Variants in CNTNAP2 observed in about 807,000 individuals in gnomAD.
The protein encoded by CNTNAP2 is contactin-associated protein-like 2.
Under a neutral mutation model 155.2 loss-of-function variants are expected in CNTNAP2, and 98 were observed. The observed-to-expected ratio is 0.63, with a 90% CI of 0.54 to 0.75. The LOEUF (loss-of-function observed/expected upper bound fraction) is 0.75, where lower values mean the gene tolerates loss of function less well. Ranked by LOEUF, CNTNAP2 falls within the 30% of genes least tolerant of loss-of-function variation. CNTNAP2 has a pLI of 0.00. For missense variants in CNTNAP2, 1,727 were observed against 1,688.1 expected (o/e 1.02, Z -0.40); for synonymous variants, 651 against 631.2 (o/e 1.03, Z -0.47).
intron 1 of CNTNAP2, among the ~76,000 whole-genome samples, chr7:146,766,674 T>C (rs1802200755): frequency 6.6e-6 from 1 of 152,180 alleles, no homozygotes; most frequent in Admixed American, 6.6e-5. Flanking sequence ...GATAACTCAA[T>C]GAGATGACCC....
chr7:147,154,651 T>G (rs1043327692), intron 8 of CNTNAP2, among the ~76,000 whole-genome samples: 18 of 152,216 alleles, frequency 1.2e-4, no homozygotes, highest in Admixed American at 8.5e-4. Context: ...TCTCACAAAT[T>G]GAAATGAAAT....
intron 8 of CNTNAP2, among the ~76,000 whole-genome samples, chr7:147,290,498 C>T (rs1329972962): frequency 1.3e-5 from 2 of 151,728 alleles, no homozygotes; most frequent in African/African-American, 4.8e-5. Context: ...CTGGGCAACC[C>T]GCTGAAACCC....
Position 146,609,732 on chromosome 7 carries a change from A to G in CNTNAP2, c.98-164539A>G, listed in dbSNP as rs1027233778. On this transcript the variant is annotated intron_variant, in intron 1 of 23. Coordinates refer to ENST00000361727, the MANE Select transcript of CNTNAP2 (RefSeq NM_014141.6). ...TTCTAGGTAAGTTTTATTCTACTCA[A>G]TAATACAAAATGCACTTTGCATGGC... Among the ~76,000 whole-genome samples the G allele has an allele frequency of 4.6e-5, 7 of 152,236 alleles. No individual in the cohort carries two copies. In the South Asian group the frequency reaches 6.2e-4, roughly 13 times the overall value.
At position 146,319,256 on chromosome 7, in the gene CNTNAP2, C is replaced by G. The variant is rs1176580453; in HGVS notation, c.97+202283C>G. 2.0e-5 allele frequency among the ~76,000 whole-genome samples: 3 copies of G among 152,110 alleles called. No homozygotes were observed. The East Asian group carries it at 5.8e-4, about 29-fold the overall frequency. On this transcript the variant is annotated intron_variant, in intron 1 of 23. Coordinates refer to ENST00000361727, the MANE Select transcript of CNTNAP2 (RefSeq NM_014141.6). Reference sequence around the variant, plus strand: ...CTCAGCATGCATTTAATTTTGAATACATCATGCTATTGTACTCTAAGTCAT... The same window carrying G: ...CTCAGCATGCATTTAATTTTGAATAGATCATGCTATTGTACTCTAAGTCAT...
At chr7:147,258,040 A>G (rs1804370502) in intron 8 of CNTNAP2, among the ~76,000 whole-genome samples, 1 of 152,190 alleles carries the variant, frequency 6.6e-6, no homozygotes, top group African/African-American at 2.4e-5. Flanking sequence ...ATGGTTTGCT[A>G]AAGAAGTAAA....
chr7:147,028,394 G>T (rs569069679), intron 3 of CNTNAP2, among the ~76,000 whole-genome samples: 1 of 152,280 alleles, frequency 6.6e-6, no homozygotes, highest in East Asian at 1.9e-4. Flanking sequence ...TTAGTTAAAA[G>T]ACATTTGGTG....
At chr7:148,032,309 G>A (rs770522334) in intron 15 of CNTNAP2, among the ~76,000 whole-genome samples, 9 of 152,082 alleles carry the variant, frequency 5.9e-5, no homozygotes, top group African/African-American at 1.4e-4. Flanking sequence ...AAATAATAGC[G>A]CCAGCAGGTA....
At chr7:148,069,845 CAG>C (rs1803349363) in intron 15 of CNTNAP2, among the ~76,000 whole-genome samples, 1 of 151,640 alleles carries the variant, frequency 6.6e-6, no homozygotes, top group Admixed American at 6.6e-5. Context: ...AAGACTCAGA[CAG>C]AGATTTTGGT....
intron 2 of CNTNAP2, among the ~76,000 whole-genome samples, chr7:146,795,299 C>T (rs1802749153): frequency 6.6e-6 from 1 of 152,184 alleles, no homozygotes; most frequent in South Asian, 2.1e-4. Flanking sequence ...TATGCTAATT[C>T]TATGGCTCTC....
rs142652753 is a variant in CNTNAP2 at position 147,231,359 on chromosome 7, A to G, written c.1349-68782A>G. ...CTGACACTTAGGTTGTTTCTATTAC[A>G]TATCTTGGCTCTTGTGAATAATGTG... is the stretch of plus-strand genomic sequence containing the variant. On this transcript the variant is annotated intron_variant, in intron 8 of 23. Coordinates refer to ENST00000361727, the MANE Select transcript of CNTNAP2 (RefSeq NM_014141.6). 1.3e-4 allele frequency among the ~76,000 whole-genome samples: 20 copies of G among 152,334 alleles called. No individual in the cohort carries two copies. The East Asian group carries it at 3.1e-3, about 23-fold the overall frequency.
intron 1 of CNTNAP2, among the ~76,000 whole-genome samples, chr7:146,596,264 C>T (rs1798856874): frequency 6.6e-6 from 1 of 151,760 alleles, no homozygotes; most frequent in African/African-American, 2.4e-5. Flanking sequence ...CAAGACATAT[C>T]AAATGGATGA....
intron 12 of CNTNAP2, among the ~76,000 whole-genome samples, chr7:147,579,370 G>A (rs958516499): frequency 6.6e-6 from 1 of 152,058 alleles, no homozygotes; most frequent in Admixed American, 6.6e-5. Context: ...TCAGGCATAG[G>A]TACACAGTGA....
At chr7:147,865,805 G>T (rs1015150368) in intron 13 of CNTNAP2, among the ~76,000 whole-genome samples, 1 of 151,978 alleles carries the variant, frequency 6.6e-6, no homozygotes, top group African/African-American at 2.4e-5. Flanking sequence ...GCATCTATTT[G>T]ATTCTTCTCT....
intron 8 of CNTNAP2, among the ~76,000 whole-genome samples, chr7:147,231,469 C>T (rs189985804): frequency 3.3e-5 from 5 of 152,246 alleles, no homozygotes; most frequent in Admixed American, 2.0e-4. Context: ...ATTGCCAGAT[C>T]ACGTGATAGT....
intron 1 of CNTNAP2, among the ~76,000 whole-genome samples, chr7:146,359,779 T>C (rs1043728025): frequency 6.2e-5 from 9 of 145,352 alleles, no homozygotes; most frequent in African/African-American, 2.3e-4. Flanking sequence ...TATGTGAATA[T>C]ATGTGTGTGT....
At chr7:146,141,255 G>C (rs1007128656) in intron 1 of CNTNAP2, among the ~76,000 whole-genome samples, 1 of 152,176 alleles carries the variant, frequency 6.6e-6, no homozygotes, top group Non-Finnish European at 1.5e-5. Context: ...CTAGGTGTGA[G>C]TAAAACATCT....
chr7:147,028,152 C>A (rs1286187450), intron 3 of CNTNAP2, among the ~76,000 whole-genome samples: 7 of 152,122 alleles, frequency 4.6e-5, no homozygotes, highest in Non-Finnish European at 8.8e-5. Context: ...GAGAAGAAGG[C>A]ATTACAAGAA....
chr7:147,953,263 A>G (rs1170654563), intron 14 of CNTNAP2, among the ~76,000 whole-genome samples: 1 of 152,210 alleles, frequency 6.6e-6, no homozygotes, highest in Non-Finnish European at 1.5e-5. Flanking sequence ...GTGTATTCTT[A>G]TCAATATCCC....
chr7:148,319,111 G>T (rs1026008438), intron 21 of CNTNAP2, among the ~76,000 whole-genome samples: 1 of 152,210 alleles, frequency 6.6e-6, no homozygotes, highest in African/African-American at 2.4e-5. Context: ...TGAGTGGAGT[G>T]ACTGATAAAT....
Sources: allele counts gnomAD v4.1 joint callset (sites outside exome capture counted in the v4.1 genomes callset), GRCh38; gene constraint gnomAD v4.1.1; transcripts MANE v1.5; gene names NCBI Gene and HGNC (gene_info 2026-07-23, HGNC 2026-07-21).